Variants in PDE4D observed in about 807,000 individuals in gnomAD.
PDE4D encodes 3',5'-cyclic-AMP phosphodiesterase 4D.
In PDE4D, 24 loss-of-function variants were observed where a neutral mutation model predicts 87.4. The observed-to-expected ratio is 0.27, with a 90% CI of 0.20 to 0.39. The LOEUF is 0.39. PDE4D is among the 10% of genes least tolerant of loss of function. PDE4D has a pLI of 1.00. For missense variants in PDE4D, 714 were observed against 1,041.0 expected (o/e 0.69, Z 4.32); for synonymous variants, 384 against 383.2 (o/e 1.00, Z -0.02).
chr5:59,935,146 T>A lies in PDE4D; in HGVS notation c.272+53342A>T, dbSNP rs75790168. Among the ~76,000 whole-genome samples, 300 of 152,148 alleles carry A rather than the reference T, an allele frequency of 2.0e-3. 9 individuals are homozygous for A. The East Asian group carries it at 0.051, about 26-fold the overall frequency. On this transcript the variant is annotated intron_variant, in intron 3 of 16. Transcript: ENST00000502484. The stretch of plus-strand genomic sequence containing the variant: ...TCCATTGGGCATAGAAGAATAAAAC[T>A]TAGAAAAGACTTTGGAATGAAAGAC...
chr5:60,182,363 AC>A (rs1417537554), intron 2 of PDE4D, among the ~76,000 whole-genome samples: 17 of 152,314 alleles, frequency 1.1e-4, no homozygotes, highest in African/African-American at 4.1e-4. Flanking sequence ...ACTAGTCACT[AC>A]CCTTTGGGCT....
At chr5:60,405,941 A>G (rs193048525) in intron 1 of PDE4D, among the ~76,000 whole-genome samples, 21 of 152,212 alleles carry the variant, frequency 1.4e-4, no homozygotes, top group Admixed American at 1.0e-3. Flanking sequence ...TCCTGCCCCA[A>G]TTACACCCAC....
chr5:59,119,973 T>C (rs1247621228), intron 5 of PDE4D, among the ~76,000 whole-genome samples: 1 of 152,180 alleles, frequency 6.6e-6, no homozygotes, highest in East Asian at 1.9e-4. Flanking sequence ...GCCTCCCAAG[T>C]AGTTGGGACT....
intron 1 of PDE4D, among the ~76,000 whole-genome samples, chr5:59,330,805 T>C (rs529537196): frequency 6.6e-6 from 1 of 152,314 alleles, no homozygotes; most frequent in East Asian, 1.9e-4. Context: ...CATTGGCTGG[T>C]TGTCTCGCTG....
chr5:59,597,054 T>C (rs1826793532), intron 1 of PDE4D, among the ~76,000 whole-genome samples: 1 of 152,152 alleles, frequency 6.6e-6, no homozygotes, highest in Non-Finnish European at 1.5e-5. Flanking sequence ...CCTAATCCAA[T>C]AGGCCCTGCT....
intron 1 of PDE4D, among the ~76,000 whole-genome samples, chr5:59,298,627 T>C (rs1032827122): frequency 1.3e-5 from 2 of 152,326 alleles, no homozygotes; most frequent in Admixed American, 6.5e-5. Flanking sequence ...GGAAACACAA[T>C]TGTTTTGCAA....
intron 1 of PDE4D, among the ~76,000 whole-genome samples, chr5:60,452,404 A>C (rs1343278700): frequency 1.3e-5 from 2 of 152,094 alleles, no homozygotes; most frequent in Non-Finnish European, 2.9e-5. Context: ...AATCTGCAGG[A>C]TATTATGAGC....
intron 1 of PDE4D, among the ~76,000 whole-genome samples, chr5:60,497,289 G>T (rs1313783458): frequency 2.0e-5 from 3 of 151,734 alleles, no homozygotes; most frequent in Non-Finnish European, 4.4e-5. Flanking sequence ...ATGATGTGGG[G>T]AAATGATAGC....
At chr5:59,726,852 G>T (rs1756669450) in intron 1 of PDE4D, among the ~76,000 whole-genome samples, 1 of 149,420 alleles carries the variant, frequency 6.7e-6, no homozygotes. Context: ...TTTGAATATA[G>T]AAGATCAACT....
At chr5:59,701,066 C>G (rs1371456186) in intron 1 of PDE4D, among the ~76,000 whole-genome samples, 1 of 152,168 alleles carries the variant, frequency 6.6e-6, no homozygotes, top group Non-Finnish European at 1.5e-5. Context: ...TTATTTATCT[C>G]CAGGCTCATG....
chr5:60,354,131 AGTTAT>A (rs1759421604), intron 1 of PDE4D, among the ~76,000 whole-genome samples: 1 of 152,210 alleles, frequency 6.6e-6, no homozygotes, highest in Non-Finnish European at 1.5e-5. Context: ...CTTGAAACTT[AGTTAT>A]AATTACCTTA....
At chr5:59,907,857 A>G (rs1019103850) in intron 3 of PDE4D, among the ~76,000 whole-genome samples, 11 of 151,956 alleles carry the variant, frequency 7.2e-5, no homozygotes, top group Non-Finnish European at 1.6e-4. Flanking sequence ...GCTCCCAAAC[A>G]TGCCCACCAC....
intron 3 of PDE4D, among the ~76,000 whole-genome samples, chr5:59,965,197 C>T (rs192331441): frequency 1.4e-4 from 21 of 152,246 alleles, no homozygotes; most frequent in Admixed American, 4.6e-4. Context: ...TTTCCTGCAA[C>T]ATCAATTTTT....
intron 1 of PDE4D, among the ~76,000 whole-genome samples, chr5:60,476,481 C>T (rs1260358308): frequency 6.6e-6 from 1 of 152,158 alleles, no homozygotes; most frequent in Non-Finnish European, 1.5e-5. Context: ...AGCCTGTGCC[C>T]CACGCAGCAG....
chr5:60,344,721 C>A (rs189619607), intron 1 of PDE4D, among the ~76,000 whole-genome samples: 53 of 152,248 alleles, frequency 3.5e-4, no homozygotes, highest in Admixed American at 2.7e-3. Flanking sequence ...GATGAATTTA[C>A]TCAATTTTAA....
chr5:60,497,594 G>A (rs927886427), intron 1 of PDE4D, among the ~76,000 whole-genome samples: 3 of 151,806 alleles, frequency 2.0e-5, no homozygotes, highest in South Asian at 4.2e-4. Context: ...TGTAGAGACA[G>A]GGTCTCACTA....
At chr5:60,393,718 G>A (rs1387007458) in intron 1 of PDE4D, among the ~76,000 whole-genome samples, 1 of 152,298 alleles carries the variant, frequency 6.6e-6, no homozygotes, top group South Asian at 2.1e-4. Context: ...TGCAAAGGTA[G>A]CACTTAAAAC....
At chr5:59,675,702 T>C (rs1217183103) in intron 1 of PDE4D, among the ~76,000 whole-genome samples, 1 of 151,970 alleles carries the variant, frequency 6.6e-6, no homozygotes, top group African/African-American at 2.4e-5. Flanking sequence ...ACGTAGGCTT[T>C]TTTGAAAAAG....
At chr5:59,920,663 T>C (rs1754561627) in intron 3 of PDE4D, among the ~76,000 whole-genome samples, 1 of 152,142 alleles carries the variant, frequency 6.6e-6, no homozygotes, top group Non-Finnish European at 1.5e-5. Context: ...GCCACTTAAC[T>C]TCTCTGAACT....
Sources: allele counts gnomAD v4.1 joint callset (sites outside exome capture counted in the v4.1 genomes callset), GRCh38; gene constraint gnomAD v4.1.1; transcripts MANE v1.5; gene names NCBI Gene and HGNC (gene_info 2026-07-23, HGNC 2026-07-21).